The following RBMS3 variants were observed in gnomAD, a reference collection of about 807,000 sequenced individuals.
The protein encoded by RBMS3 is RNA binding motif single stranded interacting protein 3.
RBMS3 carries 27 observed loss-of-function variants against 66.8 expected under a neutral mutation model. The ratio of observed to expected loss-of-function variants is 0.40; its 90% CI spans 0.30 to 0.56. RBMS3 has a LOEUF of 0.56. RBMS3 is among the 20% of genes least tolerant of loss of function. The pLI is 0.40. For missense variants in RBMS3, 513 were observed against 549.5 expected (o/e 0.93, Z 0.66); for synonymous variants, 188 against 183.0 (o/e 1.03, Z -0.22).
chr3:29,571,590 G>A (rs1824222), intron 3 of RBMS3, among the ~76,000 whole-genome samples: 12,907 of 152,086 alleles, frequency 0.085, 602 homozygotes, highest in African/African-American at 0.11. Context: ...CTGTAGGTAC[G>A]TAGATTTGCT....
In RBMS3 at chr3:29,863,044, T is replaced by C. The variant is rs190502418; in HGVS notation, c.638-5814T>C. Among the ~76,000 whole-genome samples, 319 of 152,292 alleles carry C rather than the reference T, an allele frequency of 2.1e-3. 1 individual carries two copies. Among genetic ancestry groups the C allele is most frequent in the African/African-American group, 7.1e-3 (295 of 41,552 alleles). On this transcript the variant is annotated intron_variant, in intron 6 of 14. Transcript: ENST00000383767. ...TATGTGAATTTTAGTTCACCTATTC[T>C]ACTAATGTTTTCTCTGCCACTCTCA...
chr3:29,978,261 G>T (rs1018052222), intron 12 of RBMS3, among the ~76,000 whole-genome samples: 1 of 152,138 alleles, frequency 6.6e-6, no homozygotes, highest in Middle Eastern at 3.2e-3. Flanking sequence ...AATTTCACAA[G>T]ACTGTCACTT....
At chr3:29,628,657 A>G (rs961845647) in intron 4 of RBMS3, among the ~76,000 whole-genome samples, 3 of 151,884 alleles carry the variant, frequency 2.0e-5, no homozygotes, top group Non-Finnish European at 2.9e-5. Flanking sequence ...TATACGTTTC[A>G]TATGTTCATC....
chr3:30,006,299 TCTA>T lies in RBMS3; in HGVS notation c.*2441_*2443del, dbSNP rs753825492. On this transcript the variant is annotated 3_prime_UTR_variant, in exon 15 of 15. Coordinates refer to ENST00000383767, the MANE Select transcript of RBMS3 (RefSeq NM_001003793.3). ...TTGACTCATGTGAAATTGTCAATATTCTACTATTTCTGTAAACTCTGGTTCTCT... is the reference window on the plus strand; with the variant it reads ...TTGACTCATGTGAAATTGTCAATATTCTATTTCTGTAAACTCTGGTTCTCT... The T allele has an allele frequency of 9.2e-5, 14 of 152,012 alleles. No individual in the cohort carries two copies. The East Asian group carries it at 1.4e-3, about 15-fold the overall frequency. 9.4% of individuals were successfully genotyped at this position (152,012 alleles called of 1,614,324 possible). A position where few individuals can be genotyped will look rare whatever the true frequency, so the allele number is the denominator to read the frequency against.
intron 4 of RBMS3, among the ~76,000 whole-genome samples, chr3:29,693,915 A>G (rs949463722): frequency 2.0e-5 from 3 of 152,156 alleles, no homozygotes; most frequent in African/African-American, 7.2e-5. Context: ...ATGTTTATCC[A>G]TTATTTTTCA....
At chr3:29,560,229 C>A (rs1286748436) in intron 3 of RBMS3, among the ~76,000 whole-genome samples, 2 of 152,096 alleles carry the variant, frequency 1.3e-5, no homozygotes, top group Non-Finnish European at 2.9e-5. Context: ...ATATTGTATG[C>A]CAAAAATAAG....
At chr3:29,386,722 A>G (rs1262950716) in intron 1 of RBMS3, among the ~76,000 whole-genome samples, 1 of 152,124 alleles carries the variant, frequency 6.6e-6, no homozygotes, top group African/African-American at 2.4e-5. Flanking sequence ...GTGACTGCCT[A>G]ATCTCCACCC....
At chr3:29,663,068 T>TTTGG (rs1007619991) in intron 4 of RBMS3, among the ~76,000 whole-genome samples, 1 of 152,166 alleles carries the variant, frequency 6.6e-6, no homozygotes, top group Non-Finnish European at 1.5e-5. Context: ...TGTTTGTTTG[T>TTTGG]TTGGTTGGTT....
chr3:29,518,313 T>C (rs1209477647), intron 3 of RBMS3, among the ~76,000 whole-genome samples: 4 of 152,200 alleles, frequency 2.6e-5, no homozygotes, highest in Non-Finnish European at 5.9e-5. Flanking sequence ...TGGAAACTTA[T>C]AGATAGAACA....
intron 3 of RBMS3, among the ~76,000 whole-genome samples, chr3:29,567,281 G>A (rs1475690629): frequency 6.6e-6 from 1 of 152,126 alleles, no homozygotes; most frequent in Non-Finnish European, 1.5e-5. Flanking sequence ...AGGATGAGCA[G>A]GAAAAGAAAT....
Position 29,996,489 on chromosome 3 carries a change from C to T in RBMS3, c.1307+5280C>T, listed in dbSNP as rs1395979414. ...CATTTTTTTCAGCACCACACCACACCTATTCCAAAATTGACCACATACTTG... is the reference window on the plus strand; with the variant it reads ...CATTTTTTTCAGCACCACACCACACTTATTCCAAAATTGACCACATACTTG... On this transcript the variant is annotated intron_variant, in intron 14 of 14. Coordinates refer to ENST00000383767, the MANE Select transcript of RBMS3 (RefSeq NM_001003793.3). 1.4e-3 allele frequency among the ~76,000 whole-genome samples: 211 copies of T among 149,920 alleles called. 1 individual carries two copies. The highest frequency in any genetic ancestry group is 4.9e-3 in the African/African-American group (201 of 40,810).
chr3:29,619,782 A>G (rs2048804516), intron 4 of RBMS3, among the ~76,000 whole-genome samples: 1 of 152,156 alleles, frequency 6.6e-6, no homozygotes, highest in African/African-American at 2.4e-5. Context: ...TTTAACTTTT[A>G]TACCTCCTGT....
At chr3:29,351,073 T>C (rs2036883842) in intron 1 of RBMS3, among the ~76,000 whole-genome samples, 1 of 152,182 alleles carries the variant, frequency 6.6e-6, no homozygotes, top group Admixed American at 6.5e-5. Context: ...ACTTGATTTC[T>C]TCCCTCCTTT....
At chr3:29,996,938 A>G (rs1020393369) in intron 14 of RBMS3, among the ~76,000 whole-genome samples, 1 of 152,200 alleles carries the variant, frequency 6.6e-6, no homozygotes, top group Non-Finnish European at 1.5e-5. Flanking sequence ...TGAGGGAAAT[A>G]GAGACACAAA....
intron 1 of RBMS3, among the ~76,000 whole-genome samples, chr3:29,331,189 T>C (rs1035717220): frequency 1.2e-4 from 19 of 152,100 alleles, no homozygotes; most frequent in African/African-American, 4.1e-4. Flanking sequence ...CATATCTCTC[T>C]GAATACCTTT....
At chr3:29,532,235 CGCATATATAT>C (rs1474905052) in intron 3 of RBMS3, among the ~76,000 whole-genome samples, 17 of 93,786 alleles carry the variant, frequency 1.8e-4, no homozygotes, top group African/African-American at 7.5e-4. Context: ...ATTTTAATTT[CGCATATATAT>C]GTATATATAT....
chr3:29,635,059 A>G (rs934527088), intron 4 of RBMS3, among the ~76,000 whole-genome samples: 1 of 151,920 alleles, frequency 6.6e-6, no homozygotes, highest in Non-Finnish European at 1.5e-5. Context: ...CTAATCTTCT[A>G]TTGTATCCAT....
rs1031205851 is a variant in RBMS3 at position 29,281,604 on chromosome 3, G to A, written c.-78G>A. 5 of 1,168,942 alleles carry A rather than the reference G, an allele frequency of 4.3e-6. No individual in the cohort carries two copies. The African/African-American group carries it at 7.6e-5, about 18-fold the overall frequency. 72.4% of individuals were successfully genotyped at this position (1,168,942 alleles called of 1,614,324 possible). A position where few individuals can be genotyped will look rare whatever the true frequency, so the allele number is the denominator to read the frequency against. On this transcript the variant is annotated 5_prime_UTR_variant, in exon 1 of 15. Transcript: ENST00000383767. ...AGTCACCGGGACTGTCAGGAATAGT[G>A]GTTTAAGAGGAAGCTCGGCCTGGGG...
chr3:29,413,298 T>C (rs561955989), intron 1 of RBMS3, among the ~76,000 whole-genome samples: 2 of 152,142 alleles, frequency 1.3e-5, no homozygotes, highest in Non-Finnish European at 2.9e-5. Context: ...TGAAACCAGA[T>C]GCAGAGGTTG....
Sources: allele counts gnomAD v4.1 joint callset (sites outside exome capture counted in the v4.1 genomes callset), GRCh38; gene constraint gnomAD v4.1.1; transcripts MANE v1.5; gene names NCBI Gene and HGNC (gene_info 2026-07-23, HGNC 2026-07-21).